Variants in ARMH1 observed in about 807,000 individuals in gnomAD.
ARMH1 encodes the protein armadillo-like helical domain containing protein 1.
ARMH1 carries 34 observed loss-of-function variants against 50.2 expected under a neutral mutation model. The ratio of observed to expected loss-of-function variants is 0.68; its 90% CI spans 0.51 to 0.90. The LOEUF (loss-of-function observed/expected upper bound fraction) is 0.90. Ranked by LOEUF, ARMH1 falls within the 40% of genes least tolerant of loss-of-function variation. The probability of loss-of-function intolerance (pLI) is 0.00; values close to 1 mark genes in which losing one functional copy is unlikely to be tolerated. For synonymous variants in ARMH1, 221 were observed against 224.2 expected (o/e 0.99, Z 0.13); for missense variants, 538 against 553.9 (o/e 0.97, Z 0.29).
rs1295568558 is a variant in ARMH1 at position 44,725,358 on chromosome 1, G to GGCCT, written c.1279_1282dup (p.Tyr428CysfsTer72). 1 of 1,551,606 alleles carries GGCCT rather than the reference G, an allele frequency of 6.4e-7. No individual in the cohort carries two copies. The highest frequency in any genetic ancestry group is 1.4e-5 in the African/African-American group (1 of 73,044). On this transcript the variant is annotated frameshift_variant, in exon 12 of 12. Transcript: ENST00000535358. LOFTEE classifies it low-confidence loss of function (END_TRUNC). ...ATGGCTCGCGCGATTCGGCTCAGAT[G>GGCCT]GCCTACCTCACACACTTCGAGGAGG...
At chr1:44,720,060 G>C (rs1412546089) in intron 6 of ARMH1, among the ~76,000 whole-genome samples, 1 of 152,120 alleles carries the variant, frequency 6.6e-6, no homozygotes, top group Non-Finnish European at 1.5e-5. Context: ...AGGCAGGTGT[G>C]GTGGCGGGCG....
Position 44,700,943 on chromosome 1 carries a change from T to A in ARMH1, c.463T>A (p.Phe155Ile). The change falls in exon 5 of 12, where the codon TTT becomes ATT. Residue 155 changes from phenylalanine (F) to isoleucine (I), a missense_variant. Phe to Ile is a conservative substitution (Grantham distance 21). Coordinates refer to ENST00000535358, the MANE Select transcript of ARMH1 (RefSeq NM_001145636.2). ...ESYGVRSIAEFLAKSKSEETQ... is the reference protein window; with the variant it reads ...ESYGVRSIAEILAKSKSEETQ... ...CTCAGGTGTACGATCCATAGCAGAA[T>A]TTTTGGCAAAGTCTAAGTCAGAAGA... The A allele has an allele frequency of 6.4e-7, 1 of 1,550,762 alleles. No homozygotes were observed. The highest frequency in any genetic ancestry group is 8.7e-7 in the Non-Finnish European group (1 of 1,146,630).
intron 6 of ARMH1, chr1:44,722,025 A>G (rs1392610343): frequency 2.0e-5 from 3 of 152,188 alleles, no homozygotes; most frequent in Non-Finnish European, 4.4e-5. Flanking sequence ...ACATGTTCTC[A>G]CTGGGTAAAA....
chr1:44,710,857 A>C (rs1573439448), intron 6 of ARMH1, among the ~76,000 whole-genome samples: 1 of 151,858 alleles, frequency 6.6e-6, no homozygotes, highest in South Asian at 2.1e-4. Flanking sequence ...TTCCCCTTCC[A>C]CTCCCTCCAG....
chr1:44,725,514 A>T lies in ARMH1; in HGVS notation c.*111A>T, dbSNP rs1648164865. On this transcript the variant is annotated 3_prime_UTR_variant, in exon 12 of 12. Coordinates refer to ENST00000535358, the MANE Select transcript of ARMH1 (RefSeq NM_001145636.2). ...CACTCCACTTGGCTCCAGGGGGGAG[A>T]CGGGGATTAGGCATCCCAGAGGGGC... 4.5e-6 allele frequency: 5 copies of T among 1,105,954 alleles called. No homozygotes were observed. Among genetic ancestry groups the T allele is most frequent in the Non-Finnish European group, 5.3e-6 (4 of 755,942 alleles). The allele number at this position is 1,105,954 out of a possible 1,614,324, so 68.5% of individuals were successfully genotyped here.
intron 4 of ARMH1, among the ~76,000 whole-genome samples, chr1:44,698,538 C>T (rs1268055594): frequency 1.3e-5 from 2 of 152,120 alleles, no homozygotes; most frequent in Non-Finnish European, 2.9e-5. Flanking sequence ...AGGCCGGGCG[C>T]GGTGGCTCAC....
intron 3 of ARMH1, 124 bp from the exon 4 acceptor site, chr1:44,697,939 C>A: frequency 1.6e-6 from 1 of 635,248 alleles, no homozygotes. Context: ...ATCACTTTAC[C>A]TATGGACATT....
intron 5 of ARMH1, 64 bp downstream of exon 5, chr1:44,701,183 C>T (rs1646066085): frequency 7.0e-6 from 10 of 1,421,342 alleles, no homozygotes; most frequent in Middle Eastern, 2.4e-4. Flanking sequence ...AATTACCTTC[C>T]GCAGTTGCTC....
intron 6 of ARMH1, among the ~76,000 whole-genome samples, chr1:44,723,414 G>A (rs1474663667): frequency 6.6e-6 from 1 of 152,184 alleles, no homozygotes; most frequent in African/African-American, 2.4e-5. Context: ...ATGACTGCCT[G>A]TAAAATATCT....
intron 6 of ARMH1, among the ~76,000 whole-genome samples, chr1:44,718,126 T>C (rs1254515832): frequency 2.0e-5 from 3 of 152,350 alleles, no homozygotes; most frequent in East Asian, 3.9e-4. Context: ...AAAATGCTAT[T>C]TGTGGTCAAG....
intron 6 of ARMH1, among the ~76,000 whole-genome samples, chr1:44,723,393 G>GGACT (rs1358382448): frequency 1.3e-5 from 2 of 152,118 alleles, no homozygotes; most frequent in African/African-American, 4.8e-5. Context: ...AGTGAATGCT[G>GGACT]GACTGAATGA....
chr1:44,706,634 G>C (rs922510566), intron 6 of ARMH1, among the ~76,000 whole-genome samples: 11 of 152,182 alleles, frequency 7.2e-5, no homozygotes, highest in African/African-American at 2.4e-4. Context: ...TATTCCTTCA[G>C]CAACATTGTC....
rs539717784 is a variant in ARMH1, at chr1:44,721,873, T to C, written c.725-2249T>C. ...GAAATCTTTAGTAAAAGGCGAAAGA[T>C]TTATTCGTTATGAAGAGAAACCAGA... On this transcript the variant is annotated intron_variant, in intron 6 of 11. Transcript: ENST00000535358. 2.2e-4 allele frequency: 34 copies of C among 152,320 alleles called. 1 individual carries two copies. The highest frequency in any genetic ancestry group is 4.1e-4 in the South Asian group (2 of 4,824). 9.4% of individuals were successfully genotyped at this position (152,320 alleles called of 1,614,324 possible). A position where few individuals can be genotyped will look rare whatever the true frequency, so the allele number is the denominator to read the frequency against.
At chr1:44,703,713 G>T (rs536129840) in intron 5 of ARMH1, among the ~76,000 whole-genome samples, 1 of 142,546 alleles carries the variant, frequency 7.0e-6, no homozygotes, top group Admixed American at 7.3e-5. Context: ...GGGTGACAGA[G>T]TGGGAATACA....
chr1:44,691,078 G>A (rs1645644692), intron 2 of ARMH1, among the ~76,000 whole-genome samples: 1 of 151,836 alleles, frequency 6.6e-6, no homozygotes, highest in African/African-American at 2.4e-5. Context: ...GGCCAACAAG[G>A]GAAACCCCGT....
chr1:44,697,187 C>A lies in ARMH1; in HGVS notation c.275+17C>A, dbSNP rs375110474. On this transcript the variant is annotated intron_variant, in intron 3 of 11. Coordinates refer to ENST00000535358, the MANE Select transcript of ARMH1 (RefSeq NM_001145636.2). ...TGTAAGCAGGTGAGTTCTGTTCTAGCGTGATTCTGGGGGTCTCAGTGGCAT... is the reference window on the plus strand; with the variant it reads ...TGTAAGCAGGTGAGTTCTGTTCTAGAGTGATTCTGGGGGTCTCAGTGGCAT... The A allele has an allele frequency of 1.3e-6, 2 of 1,545,970 alleles. No homozygotes were observed. The highest frequency in any genetic ancestry group is 1.8e-6 in the Non-Finnish European group (2 of 1,141,464).
chr1:44,700,355 C>T (rs1044090155), intron 4 of ARMH1, among the ~76,000 whole-genome samples: 7 of 152,144 alleles, frequency 4.6e-5, no homozygotes, highest in Admixed American at 6.5e-5. Flanking sequence ...CCGTGGCTCA[C>T]GCCTCTAATC....
rs747276218 is a variant in ARMH1 at position 44,700,918 on chromosome 1, C to T, written c.443-5C>T. On this transcript the variant is annotated splice_polypyrimidine_tract_variant and splice_region_variant and intron_variant, in intron 4 of 11. Transcript: ENST00000535358. The stretch of plus-strand genomic sequence containing the variant: ...AATTTAGCATTTCCTCTCTTCTTTG[C>T]TCAGGTGTACGATCCATAGCAGAAT... 2 of 1,537,426 alleles carry T rather than the reference C, an allele frequency of 1.3e-6. No homozygotes were observed. Among genetic ancestry groups the T allele is most frequent in the Non-Finnish European group, 1.8e-6 (2 of 1,141,674 alleles).
chr1:44,720,069 C>T (rs969890195), intron 6 of ARMH1, among the ~76,000 whole-genome samples: 2 of 151,932 alleles, frequency 1.3e-5, no homozygotes, highest in African/African-American at 4.8e-5. Flanking sequence ...TGGTGGCGGG[C>T]GCCTATAATC....
Sources: allele counts gnomAD v4.1 joint callset (sites outside exome capture counted in the v4.1 genomes callset), GRCh38; gene constraint gnomAD v4.1.1; transcripts MANE v1.5; gene names NCBI Gene and HGNC (gene_info 2026-07-23, HGNC 2026-07-21).